Variants in GALNS observed in about 807,000 individuals in gnomAD.
The protein encoded by GALNS is galactosamine (N-acetyl)-6-sulfatase.
Under a neutral mutation model 65.9 loss-of-function variants are expected in GALNS, and 65 were observed. That is an observed-to-expected ratio of 0.99 (90% CI 0.81 to 1.21). The LOEUF is 1.21. GALNS is among the 50% of genes most tolerant of loss of function. The pLI is 0.00. For synonymous variants in GALNS, 346 were observed against 288.9 expected (o/e 1.20, Z -2.00); for missense variants, 776 against 700.7 (o/e 1.11, Z -1.21).
At chr16:88,814,584 C>T (rs1909437077) in intron 13 of GALNS, 59 bp from the exon 14 acceptor site, 9 of 1,547,832 alleles carry the variant, frequency 5.8e-6, no homozygotes, top group South Asian at 1.2e-5. Context: ...CTGGACCCAG[C>T]AGCAGCGGGC....
At chr16:88,819,569 G>A (rs901447369) in intron 12 of GALNS, among the ~76,000 whole-genome samples, 1 of 152,202 alleles carries the variant, frequency 6.6e-6, no homozygotes, top group African/African-American at 2.4e-5. Context: ...ACAGGATCTT[G>A]CTCTGTTACC....
intron 1 of GALNS, among the ~76,000 whole-genome samples, chr16:88,850,021 G>A (rs923588171): frequency 1.3e-5 from 2 of 152,100 alleles, no homozygotes; most frequent in Non-Finnish European, 2.9e-5. Flanking sequence ...CCAGCCTGAG[G>A]GGGACTGGCC....
At chr16:88,827,166 G>A (rs201819870) in intron 9 of GALNS, 7 of 457,186 alleles carry the variant, frequency 1.5e-5, no homozygotes, top group South Asian at 4.5e-5. Context: ...GATCAGCCTC[G>A]CTCTAACACT....
intron 12 of GALNS, 90 bp downstream of exon 12, chr16:88,822,499 G>A: frequency 6.5e-7 from 1 of 1,541,530 alleles, no homozygotes; most frequent in Non-Finnish European, 8.9e-7. Context: ...CGGCGGGCAG[G>A]GTGCAGAGGG....
At chr16:88,819,719 A>G (rs570341643) in intron 12 of GALNS, among the ~76,000 whole-genome samples, 20 of 150,242 alleles carry the variant, frequency 1.3e-4, no homozygotes, top group African/African-American at 4.9e-4. Context: ...TTTGAGAGAG[A>G]GTCTCGCGCT....
At chr16:88,848,081 T>C (rs1010705521) in intron 1 of GALNS, among the ~76,000 whole-genome samples, 1 of 151,788 alleles carries the variant, frequency 6.6e-6, no homozygotes, top group Non-Finnish European at 1.5e-5. Context: ...GAGGGGAAAA[T>C]AGACACAAGG....
chr16:88,819,987 C>T (rs1432013299), intron 12 of GALNS, among the ~76,000 whole-genome samples: 1 of 151,756 alleles, frequency 6.6e-6, no homozygotes, highest in African/African-American at 2.4e-5. Flanking sequence ...CCACTGTGCC[C>T]GGCCTTAATT....
intron 1 of GALNS, among the ~76,000 whole-genome samples, chr16:88,849,657 C>G (rs867895795): frequency 6.6e-6 from 1 of 152,136 alleles, no homozygotes; most frequent in Non-Finnish European, 1.5e-5. Flanking sequence ...GAACTGAGCT[C>G]AAGCAGTCCA....
intron 10 of GALNS, 61 bp from the exon 11 acceptor site, chr16:88,824,930 G>T: frequency 7.3e-7 from 1 of 1,368,998 alleles, no homozygotes; most frequent in Non-Finnish European, 1.0e-6. Context: ...GCCACCTGGA[G>T]GCTCTGGGCT....
Position 88,848,345 on chromosome 16 carries a change from G to T in GALNS, c.121-5516C>A, listed in dbSNP as rs111275849. ...CTCAGTAAAGCGGCTATAAAAGAATGAAAGGCCGGGCGCGGTGGTTCACGC... is the reference window on the plus strand; with the variant it reads ...CTCAGTAAAGCGGCTATAAAAGAATTAAAGGCCGGGCGCGGTGGTTCACGC... On this transcript the variant is annotated intron_variant, in intron 1 of 13. Transcript: ENST00000268695. Among the ~76,000 whole-genome samples, 548 of 152,224 alleles carry T rather than the reference G, an allele frequency of 3.6e-3. 2 individuals are homozygous for T. Among genetic ancestry groups the T allele is most frequent in the African/African-American group, 0.012 (513 of 41,546 alleles).
At chr16:88,855,326 G>A (rs1967755348) in intron 1 of GALNS, 2 of 700,290 alleles carry the variant, frequency 2.9e-6, no homozygotes, top group Non-Finnish European at 5.2e-6. Context: ...GGCCCAGAAG[G>A]AGTTACACAA....
chr16:88,835,500 G>A (rs1912026660), intron 7 of GALNS, 148 bp from the exon 8 acceptor site: 3 of 1,272,274 alleles, frequency 2.4e-6, no homozygotes, highest in Non-Finnish European at 3.3e-6. Flanking sequence ...CCCAGAAGAG[G>A]AATGGCCTCA....
At chr16:88,820,618 T>A (rs908941874) in intron 12 of GALNS, among the ~76,000 whole-genome samples, 5 of 152,164 alleles carry the variant, frequency 3.3e-5, no homozygotes, top group African/African-American at 1.2e-4. Flanking sequence ...TGGGTTTGCT[T>A]TGAAATAACC....
At chr16:88,820,693 T>C (rs975911933) in intron 12 of GALNS, among the ~76,000 whole-genome samples, 3 of 152,206 alleles carry the variant, frequency 2.0e-5, no homozygotes, top group East Asian at 1.9e-4. Flanking sequence ...GTCTCTGCTC[T>C]GGCCTGGCTG....
chr16:88,836,825 G>T (rs561335049), intron 5 of GALNS, among the ~76,000 whole-genome samples: 3 of 152,128 alleles, frequency 2.0e-5, no homozygotes, highest in African/African-American at 7.2e-5. Context: ...CTGAGGGCAC[G>T]ACACCAAGGT....
At chr16:88,827,029 C>A (rs1911004359) in intron 9 of GALNS, 191 bp from the exon 10 acceptor site, 4 of 662,654 alleles carry the variant, frequency 6.0e-6, no homozygotes, top group Non-Finnish European at 1.1e-5. Context: ...TCAAACCAGG[C>A]CCAAAGACCC....
intron 1 of GALNS, among the ~76,000 whole-genome samples, chr16:88,850,773 G>C (rs763641498): frequency 6.6e-6 from 1 of 152,254 alleles, no homozygotes; most frequent in African/African-American, 2.4e-5. Context: ...AGCTGTGCGA[G>C]ACTCAGTTCC....
At chr16:88,817,790 C>T (rs1271136209) in intron 13 of GALNS, among the ~76,000 whole-genome samples, 5 of 152,184 alleles carry the variant, frequency 3.3e-5, no homozygotes, top group African/African-American at 4.8e-5. Flanking sequence ...CTGCGGCTGC[C>T]CTGGTGCAGC....
chr16:88,823,044 C>T (rs1019458502), intron 11 of GALNS, among the ~76,000 whole-genome samples: 3 of 152,158 alleles, frequency 2.0e-5, no homozygotes, highest in Admixed American at 6.5e-5. Flanking sequence ...CTCTTCTTTG[C>T]GAGGCAGGTG....
Sources: gnomAD v4.1 joint callset for allele counts (sites outside exome capture counted in the v4.1 genomes callset) on GRCh38, gnomAD v4.1.1 for gene constraint, MANE v1.5 for transcripts, NCBI Gene and HGNC (gene_info 2026-07-23, HGNC 2026-07-21) for gene names.